ADD3: variants seen among roughly 807,000 people sequenced by gnomAD.
ADD3 encodes adducin 3.
In ADD3, 25 loss-of-function variants were observed where a neutral mutation model predicts 80.2. That is an observed-to-expected ratio of 0.31 (90% CI 0.23 to 0.44). The LOEUF (loss-of-function observed/expected upper bound fraction) is 0.44, where lower values mean the gene tolerates loss of function less well. ADD3 is among the 20% of genes least tolerant of loss of function. The probability of loss-of-function intolerance (pLI) is 1.00; values close to 1 mark genes in which losing one functional copy is unlikely to be tolerated. For synonymous variants in ADD3, 284 were observed against 289.6 expected, an observed-to-expected ratio of 0.98 and a Z score of 0.20; for missense variants, 829 against 847.5, an observed-to-expected ratio of 0.98 and a Z score of 0.27.
intron 10 of ADD3, among the ~76,000 whole-genome samples, chr10:110,125,283 G>A (rs771638347): frequency 6.6e-6 from 1 of 152,146 alleles, no homozygotes; most frequent in Non-Finnish European, 1.5e-5. Context: ...GAAGAATTAT[G>A]TAAGCTCCTT....
intron 1 of ADD3, among the ~76,000 whole-genome samples, chr10:110,070,616 T>G (rs1844555825): frequency 6.6e-6 from 1 of 152,204 alleles, no homozygotes; most frequent in South Asian, 2.1e-4. Context: ...AGACTAGTTT[T>G]GTTTTTGTTT....
At chr10:110,123,567 C>G (rs1851779431) in intron 9 of ADD3, among the ~76,000 whole-genome samples, 1 of 152,014 alleles carries the variant, frequency 6.6e-6, no homozygotes, top group Non-Finnish European at 1.5e-5. Flanking sequence ...TTTGAGTCCC[C>G]TATATATTTT....
chr10:110,119,671 T>C, intron 8 of ADD3, 107 bp downstream of exon 8: 1 of 919,194 alleles, frequency 1.1e-6, no homozygotes, highest in Non-Finnish European at 1.7e-6. Context: ...TTTTGTCTTT[T>C]AAGAGAAGTT....
chr10:110,095,840 A>G (rs1848082249), intron 1 of ADD3, among the ~76,000 whole-genome samples: 1 of 152,222 alleles, frequency 6.6e-6, no homozygotes, highest in Non-Finnish European at 1.5e-5. Context: ...GATTGAGTGA[A>G]AAAAGCCAAT....
chr10:110,101,520 A>G (rs1473347735), intron 2 of ADD3, among the ~76,000 whole-genome samples: 3 of 151,666 alleles, frequency 2.0e-5, no homozygotes. Context: ...ATGTAGTCCC[A>G]TCTACTCCTG....
rs534367655 is a variant in ADD3 at position 110,134,243 on chromosome 10, T to C, written c.*625T>C. On this transcript the variant is annotated 3_prime_UTR_variant, in exon 15 of 15. Transcript: ENST00000356080. ...TTAATAAACTATAATTTTTGAAAAC[T>C]TCCTTTTTTATTAGTTTAGAAAGCC... 1 of 152,694 alleles carries C rather than the reference T, an allele frequency of 6.5e-6. No homozygotes were observed. Among genetic ancestry groups the C allele is most frequent in the East Asian group, 1.9e-4 (1 of 5,190 alleles). The allele number at this position is 152,694 out of a possible 1,614,324, so 9.5% of individuals were successfully genotyped here.
At chr10:110,027,815 G>A (rs961349064) in intron 1 of ADD3, among the ~76,000 whole-genome samples, 1 of 152,172 alleles carries the variant, frequency 6.6e-6, no homozygotes, top group Non-Finnish European at 1.5e-5. Context: ...CATTCCTGGG[G>A]CATGTTTTAA....
chr10:110,095,671 T>C (rs546732274), intron 1 of ADD3, among the ~76,000 whole-genome samples: 10 of 152,340 alleles, frequency 6.6e-5, no homozygotes, highest in African/African-American at 2.4e-4. Context: ...TGAAAAAATA[T>C]GCTATAATTT....
chr10:110,001,858 T>C (rs1433341236), upstream of ADD3, among the ~76,000 whole-genome samples: 3 of 152,228 alleles, frequency 2.0e-5, no homozygotes. Flanking sequence ...TTTAAGATCA[T>C]GTAACATACT....
chr10:110,126,327 T>A, intron 11 of ADD3, 90 bp from the exon 12 acceptor site: 2 of 971,134 alleles, frequency 2.1e-6, no homozygotes, highest in Non-Finnish European at 3.2e-6. Flanking sequence ...TCTGGAAATG[T>A]CAAGTAGTAA....
At chr10:110,050,917 A>T (rs1857445837) in intron 1 of ADD3, among the ~76,000 whole-genome samples, 1 of 152,212 alleles carries the variant, frequency 6.6e-6, no homozygotes, top group African/African-American at 2.4e-5. Context: ...GTGGAAAGTG[A>T]ACCCTCTCAT....
At chr10:110,123,149 G>A (rs1308814888) in intron 9 of ADD3, among the ~76,000 whole-genome samples, 3 of 152,074 alleles carry the variant, frequency 2.0e-5, no homozygotes, top group Non-Finnish European at 2.9e-5. Flanking sequence ...CCATATCTTG[G>A]CTATTGTGAA....
At chr10:110,115,328 G>A (rs563054305) in intron 3 of ADD3, among the ~76,000 whole-genome samples, 1 of 152,250 alleles carries the variant, frequency 6.6e-6, no homozygotes, top group East Asian at 1.9e-4. Context: ...GGTGGATGTT[G>A]CAGTGAGCCG....
chr10:110,124,004 T>C lies in ADD3; in HGVS notation c.1144-13T>C. 6.2e-7 allele frequency: 1 copy of C among 1,609,378 alleles called. No homozygotes were observed. The highest frequency in any genetic ancestry group is 8.5e-7 in the Non-Finnish European group (1 of 1,176,302). On this transcript the variant is annotated splice_polypyrimidine_tract_variant and intron_variant, in intron 9 of 14. Coordinates refer to ENST00000356080, the MANE Select transcript of ADD3 (RefSeq NM_016824.5). ...AGGTTTGATGCTTCAAATGTGGCTT[T>C]TCCCTCCCTTAGGGGTATAGAACAG...
At chr10:110,125,301 C>T (rs994255935) in intron 10 of ADD3, among the ~76,000 whole-genome samples, 14 of 152,114 alleles carry the variant, frequency 9.2e-5, no homozygotes, top group Non-Finnish European at 1.6e-4. Context: ...CTTCCAACCC[C>T]GTGGTTCTAT....
intron 1 of ADD3, among the ~76,000 whole-genome samples, chr10:110,073,138 C>CTTTTTTT (rs1189793476): frequency 8.5e-5 from 8 of 94,252 alleles, no homozygotes; most frequent in African/African-American, 1.4e-4. Flanking sequence ...TTTTAGTTTT[C>CTTTTTTT]TTTTTTTTTT....
At chr10:110,006,601 T>C (rs1020866951), upstream of ADD3, among the ~76,000 whole-genome samples, 1 of 152,172 alleles carries the variant, frequency 6.6e-6, no homozygotes, top group Non-Finnish European at 1.5e-5. Context: ...AAATGGGAGA[T>C]GGTGGTAGAC....
chr10:110,062,985 A>G (rs1859114529), intron 1 of ADD3, among the ~76,000 whole-genome samples: 1 of 152,194 alleles, frequency 6.6e-6, no homozygotes, highest in South Asian at 2.1e-4. Flanking sequence ...TCCCCAGCAG[A>G]AAGATTGTGA....
chr10:110,096,467 A>G (rs1298766661), intron 1 of ADD3, among the ~76,000 whole-genome samples: 4 of 152,220 alleles, frequency 2.6e-5, no homozygotes, highest in Non-Finnish European at 5.9e-5. Flanking sequence ...TGTGAAAAAC[A>G]GAAACAACAA....
Sources: gnomAD v4.1 joint callset for allele counts (sites outside exome capture counted in the v4.1 genomes callset) on GRCh38, gnomAD v4.1.1 for gene constraint, MANE v1.5 for transcripts, NCBI Gene and HGNC (gene_info 2026-07-23, HGNC 2026-07-21) for gene names.